Variants in ANKRD44 observed in about 807,000 individuals in gnomAD.
ANKRD44 encodes the protein ankyrin repeat domain 44, also known as serine/threonine-protein phosphatase 6 regulatory ankyrin repeat subunit B.
Under a neutral mutation model 116.0 loss-of-function variants are expected in ANKRD44, and 35 were observed. The observed-to-expected ratio is 0.30, with a 90% CI of 0.23 to 0.40. ANKRD44 has a LOEUF of 0.40. ANKRD44 is among the 10% of genes least tolerant of loss of function. ANKRD44 has a pLI of 1.00. For missense variants in ANKRD44, 1,014 were observed against 1,242.6 expected (o/e 0.82, Z 2.77); for synonymous variants, 435 against 461.8 (o/e 0.94, Z 0.74).
At chr2:197,267,935 A>C (rs1252468732) in intron 1 of ANKRD44, among the ~76,000 whole-genome samples, 1 of 152,226 alleles carries the variant, frequency 6.6e-6, no homozygotes, top group Non-Finnish European at 1.5e-5. Context: ...AACAAGGGAC[A>C]CAAAGGCAAG....
intron 8 of ANKRD44, among the ~76,000 whole-genome samples, chr2:197,112,707 CA>C (rs1178148585): frequency 0.073 from 5,840 of 79,890 alleles, 66 homozygotes; most frequent in Middle Eastern, 0.11. Context: ...GACTCCGTCT[CA>C]AAAAAAAAAA....
intron 1 of ANKRD44, among the ~76,000 whole-genome samples, chr2:197,254,624 CACACACAT>C (rs1292281397): frequency 4.9e-5 from 7 of 142,880 alleles, no homozygotes; most frequent in African/African-American, 7.9e-5. Flanking sequence ...CACACACACA[CACACACAT>C]ATATATATTT....
At chr2:197,063,874 A>ACT (rs1220725922) in intron 16 of ANKRD44, among the ~76,000 whole-genome samples, 4 of 152,030 alleles carry the variant, frequency 2.6e-5, no homozygotes, top group South Asian at 4.1e-4. Flanking sequence ...GTTGGAAAAC[A>ACT]CTGCAGGATA....
intron 8 of ANKRD44, among the ~76,000 whole-genome samples, chr2:197,120,806 G>T (rs1399424041): frequency 6.6e-6 from 1 of 152,116 alleles, no homozygotes; most frequent in Non-Finnish European, 1.5e-5. Flanking sequence ...TAGCTTCTGG[G>T]CAAGTCAATA....
At chr2:197,003,600 T>G (rs913856603) in intron 21 of ANKRD44, among the ~76,000 whole-genome samples, 2 of 152,128 alleles carry the variant, frequency 1.3e-5, no homozygotes, top group African/African-American at 4.8e-5. Context: ...AAGGCTGCAC[T>G]GAAAGGGTGA....
At chr2:197,101,282 C>T (rs1441587628) in intron 9 of ANKRD44, among the ~76,000 whole-genome samples, 2 of 151,770 alleles carry the variant, frequency 1.3e-5, no homozygotes, top group South Asian at 2.1e-4. Flanking sequence ...GCCCAAATCA[C>T]GAGTTGTGTT....
At chr2:197,267,626 G>T (rs1312838087) in intron 1 of ANKRD44, among the ~76,000 whole-genome samples, 1 of 152,190 alleles carries the variant, frequency 6.6e-6, no homozygotes, top group African/African-American at 2.4e-5. Context: ...ATGCTGAAAT[G>T]ACATGCTGTG....
intron 6 of ANKRD44, among the ~76,000 whole-genome samples, chr2:197,123,287 C>A (rs1417323739): frequency 6.6e-6 from 1 of 152,168 alleles, no homozygotes; most frequent in Non-Finnish European, 1.5e-5. Context: ...TGTATTTGGA[C>A]CCACAAAAAT....
At chr2:197,297,649 C>G (rs2083762839) in intron 1 of ANKRD44, among the ~76,000 whole-genome samples, 1 of 152,190 alleles carries the variant, frequency 6.6e-6, no homozygotes, top group Non-Finnish European at 1.5e-5. Flanking sequence ...CCCAGGTCTC[C>G]AGACATCAAC....
At chr2:197,258,378 C>T (rs2082511852) in intron 1 of ANKRD44, among the ~76,000 whole-genome samples, 1 of 149,824 alleles carries the variant, frequency 6.7e-6, no homozygotes, top group Non-Finnish European at 1.5e-5. Flanking sequence ...CCACCTTGGC[C>T]TCCTGAAGTG....
intron 9 of ANKRD44, among the ~76,000 whole-genome samples, chr2:197,103,333 A>G (rs1400626780): frequency 6.6e-6 from 1 of 152,020 alleles, no homozygotes; most frequent in Non-Finnish European, 1.5e-5. Flanking sequence ...AAAGAAATTG[A>G]CACATGTTTT....
Position 197,007,905 on chromosome 2 carries a change from T to A in ANKRD44, c.2031A>T (p.Ala677=). ...CAGCGTCAATATGTCCATATGCTAC[T>A]GCAAGCATCAGTGGTGTTCTAGGCA... is the stretch of plus-strand genomic sequence containing the variant. ...DAKGQTPLML[A]VAYGHIDAVS... The change falls in exon 20 of 28, where the codon GCA becomes GCT. Residue 677 remains alanine, a synonymous_variant. Transcript: ENST00000282272. 6.2e-7 allele frequency: 1 copy of A among 1,613,774 alleles called. No individual in the cohort carries two copies.
intron 2 of ANKRD44, among the ~76,000 whole-genome samples, chr2:197,166,958 C>T (rs983655331): frequency 6.6e-6 from 1 of 152,092 alleles, no homozygotes; most frequent in African/African-American, 2.4e-5. Flanking sequence ...TTACTTTGTC[C>T]AAGAATAAAA....
chr2:197,047,861 G>C (rs2077031502), intron 16 of ANKRD44, among the ~76,000 whole-genome samples: 1 of 151,680 alleles, frequency 6.6e-6, no homozygotes, highest in South Asian at 2.1e-4. Context: ...AGTGAGCCAA[G>C]ATTGTGCCAT....
chr2:197,097,839 G>GC (rs1433308039), intron 10 of ANKRD44, among the ~76,000 whole-genome samples: 1 of 152,200 alleles, frequency 6.6e-6, no homozygotes, highest in African/African-American at 2.4e-5. Flanking sequence ...GAATGACTCA[G>GC]AGTGGAATGT....
At chr2:197,024,853 C>A (rs1170148094) in intron 17 of ANKRD44, among the ~76,000 whole-genome samples, 2 of 152,236 alleles carry the variant, frequency 1.3e-5, no homozygotes, top group African/African-American at 4.8e-5. Flanking sequence ...CTAATCAAAT[C>A]TCTTAAACTG....
intron 3 of ANKRD44, among the ~76,000 whole-genome samples, chr2:197,139,194 G>A (rs1375774146): frequency 6.6e-6 from 1 of 152,038 alleles, no homozygotes; most frequent in Middle Eastern, 3.2e-3. Context: ...ATACCCTAGA[G>A]AAACTCTCAC....
chr2:197,010,492 G>A (rs540044826), intron 18 of ANKRD44, among the ~76,000 whole-genome samples: 3 of 152,342 alleles, frequency 2.0e-5, no homozygotes, highest in South Asian at 2.1e-4. Context: ...GGCCTGGACC[G>A]GCTGGGGCGG....
intron 1 of ANKRD44, among the ~76,000 whole-genome samples, chr2:197,207,998 G>A (rs2081245682): frequency 6.6e-6 from 1 of 152,192 alleles, no homozygotes; most frequent in Non-Finnish European, 1.5e-5. Flanking sequence ...AGGGAGTTTT[G>A]TTGCTATTAT....
Sources: allele counts gnomAD v4.1 joint callset (sites outside exome capture counted in the v4.1 genomes callset), GRCh38; gene constraint gnomAD v4.1.1; transcripts MANE v1.5; gene names NCBI Gene and HGNC (gene_info 2026-07-23, HGNC 2026-07-21).